Variants in PAPSS2 observed in about 807,000 individuals in gnomAD.
PAPSS2 encodes 3'-phosphoadenosine 5'-phosphosulfate synthase 2.
Under a neutral mutation model 66.5 loss-of-function variants are expected in PAPSS2, and 61 were observed. The observed-to-expected ratio is 0.92, with a 90% CI of 0.75 to 1.14. The LOEUF (loss-of-function observed/expected upper bound fraction) is 1.14, where lower values mean the gene tolerates loss of function less well. PAPSS2 is among the 50% of genes most tolerant of loss of function. The pLI is 0.00. For synonymous variants in PAPSS2, 289 were observed against 287.5 expected (o/e 1.01, Z -0.05); for missense variants, 708 against 789.6 (o/e 0.90, Z 1.24).
At chr10:87,715,497 G>A (rs1364865377) in intron 6 of PAPSS2, among the ~76,000 whole-genome samples, 1 of 152,202 alleles carries the variant, frequency 6.6e-6, no homozygotes, top group African/African-American at 2.4e-5. Flanking sequence ...ACCTAAAAAT[G>A]TTCAAATAAG....
chr10:87,691,762 C>T lies in PAPSS2; in HGVS notation c.28-17434C>T, dbSNP rs935204505. On this transcript the variant is annotated intron_variant, in intron 1 of 12. Coordinates refer to ENST00000456849, the MANE Select transcript of PAPSS2 (RefSeq NM_001015880.2). ...GGCCACACCTTAATGAGTGAGTAAG[C>T]ACCCAAGGAGAAAGGACTTTCCAAG... Among the ~76,000 whole-genome samples, 3 of 152,200 alleles carry T rather than the reference C, an allele frequency of 2.0e-5. No homozygotes were observed. In the East Asian group the frequency reaches 5.8e-4, roughly 29 times the overall value.
At chr10:87,682,625 A>G (rs1337713468) in intron 1 of PAPSS2, among the ~76,000 whole-genome samples, 3 of 152,218 alleles carry the variant, frequency 2.0e-5, no homozygotes, top group African/African-American at 4.8e-5. Flanking sequence ...ACTAAAAACA[A>G]TCATGAAATG....
Position 87,714,036 on chromosome 10 carries a change from C to A in PAPSS2, c.382-8C>A, listed in dbSNP as rs773388214. 5 of 1,613,714 alleles carry A rather than the reference C, an allele frequency of 3.1e-6. No individual in the cohort carries two copies. The highest frequency in any genetic ancestry group is 1.7e-4 in the Middle Eastern group (1 of 6,050). Reference sequence around the variant, plus strand: ...TCTTTTTACATTCTTAATCATATTGCTTTTCAGGATCGTGAGAATGCCCGC... The same window carrying A: ...TCTTTTTACATTCTTAATCATATTGATTTTCAGGATCGTGAGAATGCCCGC... On this transcript the variant is annotated splice_region_variant and splice_polypyrimidine_tract_variant and intron_variant, in intron 3 of 12. Coordinates refer to ENST00000456849, the MANE Select transcript of PAPSS2 (RefSeq NM_001015880.2).
chr10:87,713,974 C>G, intron 3 of PAPSS2, 70 bp from the exon 4 acceptor site: 3 of 1,544,274 alleles, frequency 1.9e-6, no homozygotes, highest in Non-Finnish European at 2.7e-6. Flanking sequence ...AACCAAAGTA[C>G]ACAGTGTTTT....
chr10:87,676,070 T>C (rs566998065), intron 1 of PAPSS2, among the ~76,000 whole-genome samples: 1 of 95,908 alleles, frequency 1.0e-5, no homozygotes, highest in African/African-American at 3.3e-5. Flanking sequence ...AATTAAATAT[T>C]CCATGAGGAA....
intron 1 of PAPSS2, among the ~76,000 whole-genome samples, chr10:87,695,938 A>G (rs1387824435): frequency 1.3e-5 from 2 of 152,188 alleles, no homozygotes; most frequent in East Asian, 3.8e-4. Flanking sequence ...TACACCCAGG[A>G]TAGCCATGAA....
At chr10:87,666,916 C>A (rs1852822632) in intron 1 of PAPSS2, among the ~76,000 whole-genome samples, 1 of 152,080 alleles carries the variant, frequency 6.6e-6, no homozygotes, top group Non-Finnish European at 1.5e-5. Context: ...ACATCCAATG[C>A]CCTCTGCTTT....
intron 1 of PAPSS2, among the ~76,000 whole-genome samples, chr10:87,679,711 A>AC (rs1852994131): frequency 6.6e-6 from 1 of 151,936 alleles, no homozygotes; most frequent in Non-Finnish European, 1.5e-5. Context: ...AATATATAGA[A>AC]CTCCTATAAA....
chr10:87,720,992 G>T (rs74146358), intron 7 of PAPSS2, among the ~76,000 whole-genome samples: 1 of 152,134 alleles, frequency 6.6e-6, no homozygotes, highest in African/African-American at 2.4e-5. Context: ...CAAGACAGGG[G>T]AGCCTTGTGA....
chr10:87,747,225 A>C lies in PAPSS2; in HGVS notation c.*1255A>C, dbSNP rs1408345796. 1 of 151,390 alleles carries C rather than the reference A, an allele frequency of 6.6e-6. No individual in the cohort carries two copies. The highest frequency in any genetic ancestry group is 1.5e-5 in the Non-Finnish European group (1 of 67,958). 9.4% of individuals were successfully genotyped at this position (151,390 alleles called of 1,614,324 possible). On this transcript the variant is annotated 3_prime_UTR_variant, in exon 13 of 13. Transcript: ENST00000456849. Reference sequence around the variant, plus strand: ...ATTCCAAAGATTTCAAGCTGTTCTGAGACATCTTCTGATGGCTTTACTTCC... The same window carrying C: ...ATTCCAAAGATTTCAAGCTGTTCTGCGACATCTTCTGATGGCTTTACTTCC...
chr10:87,693,576 C>G (rs1015944890), intron 1 of PAPSS2, among the ~76,000 whole-genome samples: 2 of 152,136 alleles, frequency 1.3e-5, no homozygotes, highest in Non-Finnish European at 2.9e-5. Context: ...AGAATGTGCT[C>G]AGAGCATGTG....
chr10:87,722,487 G>A (rs1853609471), intron 8 of PAPSS2, among the ~76,000 whole-genome samples: 1 of 152,106 alleles, frequency 6.6e-6, no homozygotes, highest in South Asian at 2.1e-4. Context: ...AGATCTATAA[G>A]GCTAACACAG....
intron 1 of PAPSS2, chr10:87,661,060 G>A: frequency 2.2e-6 from 1 of 455,380 alleles, no homozygotes; most frequent in Non-Finnish European, 4.4e-6. Flanking sequence ...CATAGTAGGT[G>A]CCTGATAAAT....
chr10:87,715,585 G>C (rs1853522446), intron 6 of PAPSS2, 147 bp from the exon 7 acceptor site: 2 of 694,282 alleles, frequency 2.9e-6, no homozygotes, highest in African/African-American at 1.8e-5. Context: ...CTTAGATCAT[G>C]GGTTAGCATA....
chr10:87,710,334 T>A (rs181216542), intron 2 of PAPSS2, among the ~76,000 whole-genome samples: 2 of 152,216 alleles, frequency 1.3e-5, no homozygotes, highest in Non-Finnish European at 1.5e-5. Context: ...GAAACAACTT[T>A]CTGCAGCCTC....
rs1346095275 is a variant in PAPSS2, at chr10:87,743,768, C to T, written c.1491+127C>T. ...AGCAGATTCTGGAATGTTCTGGTGTCTCTTCTTTATCTAGCTTAATTATGT... is the reference window on the plus strand; with the variant it reads ...AGCAGATTCTGGAATGTTCTGGTGTTTCTTCTTTATCTAGCTTAATTATGT... On this transcript the variant is annotated intron_variant, in intron 11 of 12. Transcript: ENST00000456849. 5 of 1,120,338 alleles carry T rather than the reference C, an allele frequency of 4.5e-6. No individual in the cohort carries two copies. In the African/African-American group the frequency reaches 7.7e-5, roughly 17 times the overall value. 69.4% of individuals were successfully genotyped at this position (1,120,338 alleles called of 1,614,324 possible).
intron 1 of PAPSS2, among the ~76,000 whole-genome samples, chr10:87,694,605 A>G (rs1408077697): frequency 6.6e-6 from 1 of 152,230 alleles, no homozygotes; most frequent in African/African-American, 2.4e-5. Flanking sequence ...CCTGCTGCTG[A>G]GAACAAAAGT....
Position 87,745,007 on chromosome 10 carries a change from G to T in PAPSS2, c.1497G>T (p.Gln499His), listed in dbSNP as rs973627691. The change falls in exon 12 of 13, where the codon CAG (glutamine) becomes CAT (histidine). Residue 499 changes from glutamine to histidine, a missense_variant. Transcript: ENST00000456849. ...PMLYAGPTEV[Q>H]WHCRSRMIAG... Reference sequence around the variant, plus strand: ...CCCTTATGGACATTTTCTAGGTCCAGTGGCACTGCAGGTCCCGGATGATTG... The same window carrying T: ...CCCTTATGGACATTTTCTAGGTCCATTGGCACTGCAGGTCCCGGATGATTG... 6 of 1,613,950 alleles carry T rather than the reference G, an allele frequency of 3.7e-6. No homozygotes were observed. The highest frequency in any genetic ancestry group is 5.1e-6 in the Non-Finnish European group (6 of 1,179,834).
chr10:87,697,404 G>A (rs941830), intron 1 of PAPSS2, among the ~76,000 whole-genome samples: 81,254 of 151,960 alleles, frequency 0.53, 23,461 homozygotes, highest in African/African-American at 0.75. Flanking sequence ...CACTGCGGAA[G>A]GGTGAAGTTC....
Sources: allele counts gnomAD v4.1 joint callset (sites outside exome capture counted in the v4.1 genomes callset), GRCh38; gene constraint gnomAD v4.1.1; transcripts MANE v1.5; gene names NCBI Gene and HGNC (gene_info 2026-07-23, HGNC 2026-07-21).